Variants in YES1 observed in about 807,000 individuals in gnomAD.
YES1 encodes tyrosine-protein kinase Yes.
Under a neutral mutation model 70.4 loss-of-function variants are expected in YES1, and 39 were observed. That is an observed-to-expected ratio of 0.55 (90% confidence interval 0.43 to 0.72). The LOEUF is 0.72. Among genes scored for constraint, YES1 ranks in the 30% least tolerant of loss-of-function variants. The probability of loss-of-function intolerance (pLI) is 0.00; values close to 1 mark genes in which losing one functional copy is unlikely to be tolerated. For synonymous variants in YES1, 198 were observed against 218.6 expected (o/e 0.91, Z 0.83); for missense variants, 495 against 644.8 (o/e 0.77, Z 2.52).
At chr18:807,327 T>C (rs1032963252) in intron 1 of YES1, among the ~76,000 whole-genome samples, 1 of 132,332 alleles carries the variant, frequency 7.6e-6, no homozygotes, top group African/African-American at 2.8e-5. Context: ...GAGTGATACT[T>C]CATCAAAAAA....
chr18:747,415 G>A (rs998362037), intron 4 of YES1, among the ~76,000 whole-genome samples: 1 of 152,138 alleles, frequency 6.6e-6, no homozygotes, highest in Non-Finnish European at 1.5e-5. Context: ...GTTGCAGTGA[G>A]CCGAGATCAC....
intron 11 of YES1, among the ~76,000 whole-genome samples, chr18:732,519 G>C (rs1021157236): frequency 2.6e-5 from 4 of 151,426 alleles, no homozygotes; most frequent in African/African-American, 2.4e-5. Flanking sequence ...GGATGAGCCA[G>C]GATATTTAAG....
rs1168094630 is a variant in YES1, at chr18:723,719, A to C, written c.*705T>G. 6.6e-6 allele frequency: 1 copy of C among 152,666 alleles called. No homozygotes were observed. The highest frequency in any genetic ancestry group is 2.4e-5 in the African/African-American group (1 of 41,452). 9.5% of individuals were successfully genotyped at this position (152,666 alleles called of 1,614,324 possible). On this transcript the variant is annotated 3_prime_UTR_variant, in exon 12 of 12. Coordinates refer to ENST00000314574, the MANE Select transcript of YES1 (RefSeq NM_005433.4). The stretch of plus-strand genomic sequence containing the variant: ...CTTTCTAGTTACCTTCATTATTCTA[A>C]GTCAAACTCTTCAGAAAAGGACTGA...
rs145012992 is a variant in YES1, at chr18:764,941, G to A, written c.-8-8106C>T. ...AGTAGAGACCGGGTTTCACTATGTTGGCCAGACTAGTCTCAAACTCCTGAC... is the reference window on the plus strand; with the variant it reads ...AGTAGAGACCGGGTTTCACTATGTTAGCCAGACTAGTCTCAAACTCCTGAC... On this transcript the variant is annotated intron_variant, in intron 1 of 11. Transcript: ENST00000314574. 6.6e-4 allele frequency among the ~76,000 whole-genome samples: 100 copies of A among 151,144 alleles called. No homozygotes were observed. In the South Asian group the frequency reaches 0.015, roughly 22 times the overall value.
intron 8 of YES1, among the ~76,000 whole-genome samples, chr18:740,904 CTTTA>C (rs891267461): frequency 2.0e-5 from 3 of 151,968 alleles, no homozygotes; most frequent in Admixed American, 6.6e-5. Context: ...TTGTTAAAGT[CTTTA>C]TTTATTTGAA....
chr18:747,309 A>G (rs936889899), intron 4 of YES1, among the ~76,000 whole-genome samples: 6 of 152,178 alleles, frequency 3.9e-5, no homozygotes, highest in African/African-American at 1.4e-4. Flanking sequence ...TCTCTACTAA[A>G]AATACAAAAA....
At position 757,569 on chromosome 18, in the gene YES1, G is replaced by A. The variant is rs1049102631; in HGVS notation, c.-8-734C>T. ...GGCGCAGTGGCTCACACCTGTAATT[G>A]TAGCACTTTGGGATGCCTAGGCGGA... On this transcript the variant is annotated intron_variant, in intron 1 of 11. Transcript: ENST00000314574. Among the ~76,000 whole-genome samples, 17 of 150,324 alleles carry A rather than the reference G, an allele frequency of 1.1e-4. 1 individual carries two copies. The highest frequency in any genetic ancestry group is 1.1e-3 in the South Asian group (5 of 4,760).
chr18:784,112 T>C (rs966103288), intron 1 of YES1, among the ~76,000 whole-genome samples: 4 of 152,222 alleles, frequency 2.6e-5, no homozygotes, highest in African/African-American at 9.6e-5. Flanking sequence ...CAAACTTTTC[T>C]TGTAATTTTA....
chr18:793,505 T>G (rs1906380127), intron 1 of YES1, among the ~76,000 whole-genome samples: 1 of 152,054 alleles, frequency 6.6e-6, no homozygotes, highest in Admixed American at 6.6e-5. Flanking sequence ...CCCAACTAAT[T>G]TTTTAATTTT....
intron 4 of YES1, among the ~76,000 whole-genome samples, chr18:747,252 T>C (rs932912323): frequency 1.3e-5 from 2 of 152,184 alleles, no homozygotes; most frequent in East Asian, 1.9e-4. Flanking sequence ...GGTGGATCAC[T>C]TGAGGTCAGG....
At chr18:787,531 G>A (rs535979109) in intron 1 of YES1, among the ~76,000 whole-genome samples, 96 of 152,130 alleles carry the variant, frequency 6.3e-4, no homozygotes, top group African/African-American at 2.1e-3. Context: ...CCAACATGGC[G>A]AAATCCCATC....
intron 10 of YES1, among the ~76,000 whole-genome samples, chr18:734,281 G>A (rs992710727): frequency 3.4e-5 from 5 of 144,994 alleles, no homozygotes; most frequent in Admixed American, 1.4e-4. Context: ...TTGGCCAGGC[G>A]CGGTGGCTCA....
At chr18:782,339 C>A (rs1172786489) in intron 1 of YES1, among the ~76,000 whole-genome samples, 4 of 152,158 alleles carry the variant, frequency 2.6e-5, no homozygotes, top group African/African-American at 9.7e-5. Context: ...TCCTAAAGGA[C>A]CCTGGCCCAG....
At chr18:726,384 C>T (rs1434517213) in intron 11 of YES1, among the ~76,000 whole-genome samples, 1 of 151,878 alleles carries the variant, frequency 6.6e-6, no homozygotes, top group African/African-American at 2.4e-5. Flanking sequence ...GAGATCGCAC[C>T]ACTGCACTCC....
intron 2 of YES1, among the ~76,000 whole-genome samples, chr18:754,869 T>C (rs1358120726): frequency 2.0e-5 from 3 of 152,228 alleles, no homozygotes; most frequent in Admixed American, 2.0e-4. Flanking sequence ...TCATTAATTA[T>C]TGTCCAACCC....
At chr18:805,374 T>C (rs1424431947) in intron 1 of YES1, among the ~76,000 whole-genome samples, 1 of 152,166 alleles carries the variant, frequency 6.6e-6, no homozygotes, top group Non-Finnish European at 1.5e-5. Flanking sequence ...TAAAAAATGG[T>C]ACACCTATAT....
chr18:731,543 T>G (rs1325984150), intron 11 of YES1, among the ~76,000 whole-genome samples: 1 of 152,178 alleles, frequency 6.6e-6, no homozygotes, highest in African/African-American at 2.4e-5. Context: ...AAGATTAAAT[T>G]TTATATGCTT....
chr18:763,869 C>G (rs1358780485), intron 1 of YES1, among the ~76,000 whole-genome samples: 1 of 152,028 alleles, frequency 6.6e-6, no homozygotes, highest in African/African-American at 2.4e-5. Flanking sequence ...CATCTGTAAT[C>G]CCAGCACTTT....
At chr18:745,880 C>T in intron 5 of YES1, 23 bp from the exon 6 acceptor site, 3 of 1,608,444 alleles carry the variant, frequency 1.9e-6, no homozygotes, top group African/African-American at 1.3e-5. Context: ...TAAATACTTT[C>T]ACTATATCTT....
Sources: gnomAD v4.1 joint callset for allele counts (sites outside exome capture counted in the v4.1 genomes callset) on GRCh38, gnomAD v4.1.1 for gene constraint, MANE v1.5 for transcripts, NCBI Gene and HGNC (gene_info 2026-07-23, HGNC 2026-07-21) for gene names.